Variants in ZFAND3 observed in about 807,000 individuals in gnomAD.
The protein encoded by ZFAND3 is zinc finger AN1-type containing 3, also known as AN1-type zinc finger protein 3.
Under a neutral mutation model 29.6 loss-of-function variants are expected in ZFAND3, and 10 were observed. That is an observed-to-expected ratio of 0.34 (90% CI 0.21 to 0.57). The LOEUF (loss-of-function observed/expected upper bound fraction) is 0.57, where lower values mean the gene tolerates loss of function less well. ZFAND3 is among the 20% of genes least tolerant of loss of function. ZFAND3 has a pLI of 0.86. For synonymous variants in ZFAND3, 128 were observed against 112.6 expected (o/e 1.14, Z -0.87); for missense variants, 230 against 304.5 (o/e 0.76, Z 1.82).
intron 1 of ZFAND3, 98 bp downstream of exon 1, chr6:37,820,114 G>A: frequency 9.6e-7 from 1 of 1,039,370 alleles, no homozygotes; most frequent in Non-Finnish European, 1.2e-6. Flanking sequence ...CCGGAACCTT[G>A]GAGGCTGGGC....
intron 2 of ZFAND3, among the ~76,000 whole-genome samples, chr6:37,947,011 T>G (rs1201144175): frequency 5.9e-5 from 9 of 152,230 alleles, no homozygotes; most frequent in Admixed American, 2.6e-4. Flanking sequence ...TGAATGTACT[T>G]AATGCCACTG....
chr6:37,880,346 C>T (rs1399034002), intron 1 of ZFAND3, among the ~76,000 whole-genome samples: 1 of 152,164 alleles, frequency 6.6e-6, no homozygotes, highest in African/African-American at 2.4e-5. Flanking sequence ...TTACTTTGTT[C>T]TGGAGCTGAA....
Position 37,996,422 on chromosome 6 carries a change from C to G in ZFAND3, c.113-65171C>G, listed in dbSNP as rs575048869. 1.6e-3 allele frequency among the ~76,000 whole-genome samples: 237 copies of G among 152,252 alleles called. 1 individual carries two copies. In the Middle Eastern group the frequency reaches 0.017, roughly 11 times the overall value. On this transcript the variant is annotated intron_variant, in intron 2 of 5. Transcript: ENST00000287218. Reference sequence around the variant, plus strand: ...TGTCCTCAATTTAAATGAGGATGCACAGAGATTAGTAACCATCCCACAGTT... The same window carrying G: ...TGTCCTCAATTTAAATGAGGATGCAGAGAGATTAGTAACCATCCCACAGTT...
At chr6:38,143,562 T>A (rs1022572932) in intron 5 of ZFAND3, among the ~76,000 whole-genome samples, 7 of 152,276 alleles carry the variant, frequency 4.6e-5, no homozygotes, top group Admixed American at 4.6e-4. Flanking sequence ...TGATTGCTTC[T>A]CTTTTAAAGC....
intron 4 of ZFAND3, among the ~76,000 whole-genome samples, chr6:38,105,722 A>G (rs1765193815): frequency 6.6e-6 from 1 of 152,160 alleles, no homozygotes; most frequent in Admixed American, 6.5e-5. Flanking sequence ...TGAAGGGGGC[A>G]TGGGATCTCT....
At chr6:38,089,343 G>A (rs1764820430) in intron 4 of ZFAND3, among the ~76,000 whole-genome samples, 1 of 151,348 alleles carries the variant, frequency 6.6e-6, no homozygotes, top group African/African-American at 2.4e-5. Context: ...GGCCAGGCTG[G>A]TCTTGAACTC....
intron 1 of ZFAND3, among the ~76,000 whole-genome samples, chr6:37,911,521 CT>C (rs1401030137): frequency 6.6e-6 from 1 of 152,054 alleles, no homozygotes; most frequent in East Asian, 1.9e-4. Flanking sequence ...TGACTGTTTC[CT>C]TTTCTTTGTA....
chr6:37,902,587 C>T (rs1765338575), intron 1 of ZFAND3, among the ~76,000 whole-genome samples: 1 of 152,068 alleles, frequency 6.6e-6, no homozygotes, highest in South Asian at 2.1e-4. Context: ...TGTGTTAGAC[C>T]CTTCTAGTTC....
intron 2 of ZFAND3, among the ~76,000 whole-genome samples, chr6:37,983,216 C>T (rs1187931314): frequency 2.0e-5 from 3 of 151,870 alleles, no homozygotes; most frequent in East Asian, 1.9e-4. Flanking sequence ...CCATGTGTAC[C>T]GTTTATAAAC....
intron 2 of ZFAND3, among the ~76,000 whole-genome samples, chr6:37,996,574 T>C (rs1371766180): frequency 6.6e-6 from 1 of 152,116 alleles, no homozygotes; most frequent in Non-Finnish European, 1.5e-5. Context: ...TTGTTTTGTT[T>C]TGTTTTCTGT....
intron 2 of ZFAND3, among the ~76,000 whole-genome samples, chr6:37,954,798 A>C (rs1386380292): frequency 6.6e-6 from 1 of 152,196 alleles, no homozygotes; most frequent in Admixed American, 6.5e-5. Flanking sequence ...ATTATTTGTT[A>C]GGCAGCCCTA....
intron 4 of ZFAND3, among the ~76,000 whole-genome samples, chr6:38,100,268 T>G (rs920615816): frequency 2.0e-5 from 3 of 152,128 alleles, no homozygotes; most frequent in Admixed American, 1.3e-4. Flanking sequence ...TTCACCATGT[T>G]GGCCAGGATG....
chr6:38,041,681 T>TTCTCCTTCTCCTTCTC (rs1763773074), intron 2 of ZFAND3, among the ~76,000 whole-genome samples: 1 of 13,738 alleles, frequency 7.3e-5, no homozygotes, highest in Non-Finnish European at 1.5e-4. Context: ...TTCTTCTTCT[T>TTCTCCTTCTCCTTCTC]CTTCTCCTTC....
chr6:38,129,998 G>A (rs2145887), intron 5 of ZFAND3, among the ~76,000 whole-genome samples: 13,066 of 152,010 alleles, frequency 0.086, 748 homozygotes, highest in East Asian at 0.29. Flanking sequence ...ATTTCTTTCC[G>A]CAATGTTTGT....
chr6:37,954,207 C>G (rs906709411), intron 2 of ZFAND3, among the ~76,000 whole-genome samples: 2 of 140,098 alleles, frequency 1.4e-5, no homozygotes, highest in African/African-American at 5.2e-5. Context: ...GTAATTTTCT[C>G]TTTCCTATGC....
chr6:38,154,371 G>T lies in ZFAND3; in HGVS notation c.*1982G>T. 4 of 663,136 alleles carry T rather than the reference G, an allele frequency of 6.0e-6. No homozygotes were observed. Among genetic ancestry groups the T allele is most frequent in the Non-Finnish European group, 7.4e-6 (4 of 541,050 alleles). 41.1% of individuals were successfully genotyped at this position (663,136 alleles called of 1,614,324 possible). ...GCCCATGTTCGCTTCCTGACTTAGA[G>T]CTGGGGGGGGTGGGGGGTGGGGCTT... On this transcript the variant is annotated 3_prime_UTR_variant, in exon 6 of 6. Transcript: ENST00000287218.
rs953463100 is a variant in ZFAND3, at chr6:37,819,945, C to T, written c.-1C>T. 5 of 1,223,116 alleles carry T rather than the reference C, an allele frequency of 4.1e-6. No homozygotes were observed. The highest frequency in any genetic ancestry group is 5.1e-6 in the Non-Finnish European group (5 of 983,894). 75.8% of individuals were successfully genotyped at this position (1,223,116 alleles called of 1,614,324 possible). A position where few individuals can be genotyped will look rare whatever the true frequency, so the allele number is the denominator to read the frequency against. ...GCCGAGCTCCGCCGCCGCCGAGCAC[C>T]ATGGGAGACGCTGGGAGCGAGCGCA... On this transcript the variant is annotated 5_prime_UTR_variant, in exon 1 of 6. Transcript: ENST00000287218.
intron 3 of ZFAND3, among the ~76,000 whole-genome samples, chr6:38,078,303 T>C (rs1764592348): frequency 6.6e-6 from 1 of 152,216 alleles, no homozygotes; most frequent in African/African-American, 2.4e-5. Flanking sequence ...CACTCTTCTC[T>C]AGTCACAAAC....
chr6:37,896,670 GTGTGTGTGTGTC>G (rs915989080), intron 1 of ZFAND3, among the ~76,000 whole-genome samples: 102 of 137,300 alleles, frequency 7.4e-4, no homozygotes, highest in African/African-American at 2.1e-3. Context: ...TCTGTTTTGT[GTGTGTGTGTGTC>G]TGTGTGTGTG....
Sources: allele counts gnomAD v4.1 joint callset (sites outside exome capture counted in the v4.1 genomes callset), GRCh38; gene constraint gnomAD v4.1.1; transcripts MANE v1.5; gene names NCBI Gene and HGNC (gene_info 2026-07-23, HGNC 2026-07-21).